Variants in PACRGL observed in about 807,000 individuals in gnomAD.
The protein encoded by PACRGL is PACRG-like protein.
A neutral mutation model predicts 34.5 loss-of-function variants in PACRGL; 38 were observed. That is an observed-to-expected ratio of 1.10 (90% CI 0.85 to 1.44). PACRGL has a LOEUF of 1.44. PACRGL is among the 40% of genes most tolerant of loss of function. The pLI, the probability that PACRGL is intolerant of heterozygous loss-of-function variation, is 0.00. For synonymous variants in PACRGL, 128 were observed against 100.1 expected, an observed-to-expected ratio of 1.28 and a Z score of -1.66; for missense variants, 305 against 281.4, an observed-to-expected ratio of 1.08 and a Z score of -0.60.
downstream of PACRGL, among the ~76,000 whole-genome samples, chr4:20,755,091 A>G (rs1754274881): frequency 6.6e-6 from 1 of 152,154 alleles, no homozygotes; most frequent in Non-Finnish European, 1.5e-5. Context: ...TATTACCAAT[A>G]CCTGTCTGTG....
Position 20,724,815 on chromosome 4 carries a change from A to C in PACRGL, c.617A>C (p.Lys206Thr), listed in dbSNP as rs1391332279. 2.7e-6 allele frequency: 4 copies of C among 1,483,144 alleles called. No homozygotes were observed. Among genetic ancestry groups the C allele is most frequent in the Admixed American group, 4.9e-5 (2 of 40,502 alleles). The allele number at this position is 1,483,144 out of a possible 1,614,324, so 91.9% of individuals were successfully genotyped here. A position where few individuals can be genotyped will look rare whatever the true frequency, so the allele number is the denominator to read the frequency against. ...HLKHLLTSLS[K>T]RLMDKKFKEP... ...CTAATCTTACTTTAAAAGCTTTCCA[A>C]GAGATTAATGGACAAGAAATTCAAA... The change falls in exon 8 of 9, where the codon AAG (lysine) becomes ACG (threonine). Residue 206 changes from lysine (K) to threonine (T), a missense_variant. Physicochemically the swap from Lys to Thr is moderately conservative, Grantham distance 78. Transcript: ENST00000503585.
At chr4:20,709,645 T>C (rs1438146716) in intron 4 of PACRGL, 38 bp from the exon 5 acceptor site, 6 of 1,325,440 alleles carry the variant, frequency 4.5e-6, no homozygotes, top group East Asian at 2.3e-5. Flanking sequence ...TATAGAATTA[T>C]ATTTTTCTTG....
chr4:20,727,279 T>C lies in PACRGL; in HGVS notation c.691-6T>C. ...CTAATGATGCTCAATTTTTTTCTGT[T>C]GACAGGGGAGCCTTAGCATCATCAA... is the stretch of plus-strand genomic sequence containing the variant. On this transcript the variant is annotated splice_region_variant and splice_polypyrimidine_tract_variant and intron_variant, in intron 8 of 8. Coordinates refer to ENST00000503585, the MANE Select transcript of PACRGL (RefSeq NM_001258345.3). 1 of 1,608,728 alleles carries C rather than the reference T, an allele frequency of 6.2e-7. No individual in the cohort carries two copies.
At chr4:20,713,663 T>C (rs1261324088) in intron 7 of PACRGL, 124 bp downstream of exon 7, 4 of 685,794 alleles carry the variant, frequency 5.8e-6, no homozygotes, top group Non-Finnish European at 9.7e-6. Context: ...TACACACTGC[T>C]TTGAATGTGT....
Position 20,730,255 on chromosome 4 carries a change from T to TAA in PACRGL, c.*2915_*2916dup, listed in dbSNP as rs1206353446. On this transcript the variant is annotated 3_prime_UTR_variant, in exon 9 of 9. Coordinates refer to ENST00000503585, the MANE Select transcript of PACRGL (RefSeq NM_001258345.3). ...CCACCTATGCCAAAAGCTCAAATAT[T>TAA]AAGTGTTTGCAAATGTAAATGCCAT... is the stretch of plus-strand genomic sequence containing the variant. The TAA allele has an allele frequency of 5.0e-6, 6 of 1,207,086 alleles. No individual in the cohort carries two copies. Among genetic ancestry groups the TAA allele is most frequent in the Non-Finnish European group, 2.2e-6 (2 of 896,652 alleles). The allele number at this position is 1,207,086 out of a possible 1,614,324, so 74.8% of individuals were successfully genotyped here.
At chr4:20,714,518 A>G (rs1383605907) in intron 7 of PACRGL, among the ~76,000 whole-genome samples, 1 of 152,058 alleles carries the variant, frequency 6.6e-6, no homozygotes, top group Non-Finnish European at 1.5e-5. Flanking sequence ...TAATATTATG[A>G]TGTGTGAATT....
At chr4:20,757,269 A>G (rs143012082), downstream of PACRGL, among the ~76,000 whole-genome samples, 35 of 152,178 alleles carry the variant, frequency 2.3e-4, no homozygotes, top group East Asian at 2.7e-3. Context: ...TCTCCTATGC[A>G]TATACTTATT....
chr4:20,712,079 C>G (rs1463812930), intron 5 of PACRGL, among the ~76,000 whole-genome samples: 1 of 151,954 alleles, frequency 6.6e-6, no homozygotes, highest in African/African-American at 2.4e-5. Context: ...GTGTACATAA[C>G]AAAATCTTTT....
intron 7 of PACRGL, 45 bp downstream of exon 7, chr4:20,713,584 G>A (rs773822155): frequency 7.0e-5 from 101 of 1,447,284 alleles, no homozygotes; most frequent in Non-Finnish European, 9.6e-5. Context: ...TATGTATCAT[G>A]CACCATCCAT....
intron 4 of PACRGL, 71 bp downstream of exon 4, chr4:20,707,941 T>C (rs1228835669): frequency 1.7e-6 from 2 of 1,151,326 alleles, no homozygotes; most frequent in East Asian, 4.8e-5. Context: ...CAATATTTAG[T>C]TTAAATGTAT....
Position 20,724,846 on chromosome 4 carries a change from A to T in PACRGL, c.648A>T (p.Pro216=), listed in dbSNP as rs988761318. 6.7e-7 allele frequency: 1 copy of T among 1,503,056 alleles called. No homozygotes were observed. The highest frequency in any genetic ancestry group is 8.8e-7 in the Non-Finnish European group (1 of 1,134,876). 93.1% of individuals were successfully genotyped at this position (1,503,056 alleles called of 1,614,324 possible). ...TAATGGACAAGAAATTCAAAGAGCC[A>T]ATCACCAGCGCATTACAAAAGCTAG... ...KRLMDKKFKE[P]ITSALQKLEQ... is the part of the protein sequence containing the mutation. The change falls in exon 8 of 9, where the codon CCA becomes CCT. Residue 216 remains proline (P), a synonymous_variant. Coordinates refer to ENST00000503585, the MANE Select transcript of PACRGL (RefSeq NM_001258345.3).
chr4:20,760,445 C>T, the PACRGL span, among the ~76,000 whole-genome samples: 1 of 152,152 alleles, frequency 6.6e-6, no homozygotes, highest in African/African-American at 2.4e-5. Context: ...AACTTACTTT[C>T]TTTATTCCAG....
chr4:20,711,959 T>C (rs1737463095), intron 5 of PACRGL, among the ~76,000 whole-genome samples: 1 of 152,144 alleles, frequency 6.6e-6, no homozygotes, highest in Non-Finnish European at 1.5e-5. Context: ...AAATTTATTT[T>C]AGGAACTTAT....
intron 1 of PACRGL, among the ~76,000 whole-genome samples, chr4:20,702,896 G>A (rs1732813862): frequency 1.3e-5 from 2 of 152,178 alleles, no homozygotes; most frequent in Non-Finnish European, 2.9e-5. Flanking sequence ...AGTGGGATGA[G>A]ATAAATGAGA....
intron 5 of PACRGL, among the ~76,000 whole-genome samples, chr4:20,712,252 CTTAT>C (rs1291220900): frequency 7.1e-6 from 1 of 139,926 alleles, no homozygotes; most frequent in Admixed American, 7.1e-5. Context: ...TTTCCTTTTT[CTTAT>C]TTTTTTTTTC....
chr4:20,745,172 C>T (rs567652108), intron 8 of PACRGL, among the ~76,000 whole-genome samples: 12 of 152,084 alleles, frequency 7.9e-5, no homozygotes, highest in Non-Finnish European at 1.5e-4. Context: ...GTAGCCAGCC[C>T]CATCTCTGGC....
intron 3 of PACRGL, among the ~76,000 whole-genome samples, chr4:20,706,534 T>C (rs967949608): frequency 6.6e-5 from 10 of 152,212 alleles, no homozygotes; most frequent in African/African-American, 2.4e-4. Context: ...GAAACATTCC[T>C]CTTGTGAATT....
intron 7 of PACRGL, among the ~76,000 whole-genome samples, chr4:20,717,249 G>A (rs1740556587): frequency 6.6e-6 from 1 of 152,134 alleles, no homozygotes; most frequent in Admixed American, 6.6e-5. Context: ...TGTCAGATGA[G>A]TAGATTGCAA....
intron 8 of PACRGL, among the ~76,000 whole-genome samples, chr4:20,752,065 T>TTTC (rs1283733932): frequency 9.0e-5 from 13 of 144,132 alleles, no homozygotes; most frequent in Admixed American, 6.4e-4. Flanking sequence ...GTTTTTTTTT[T>TTTC]TTTTTTTTTT....
Sources: gnomAD v4.1 joint callset for allele counts (sites outside exome capture counted in the v4.1 genomes callset) on GRCh38, gnomAD v4.1.1 for gene constraint, MANE v1.5 for transcripts, NCBI Gene and HGNC (gene_info 2026-07-23, HGNC 2026-07-21) for gene names.